Variants in DLGAP2 observed in about 807,000 individuals in gnomAD.
DLGAP2 encodes DLG associated protein 2, also known as disks large-associated protein 2.
DLGAP2 carries 26 observed loss-of-function variants against 100.3 expected under a neutral mutation model. The ratio of observed to expected loss-of-function variants is 0.26; its 90% confidence interval spans 0.19 to 0.36. DLGAP2 has a LOEUF of 0.36. DLGAP2 is among the 10% of genes least tolerant of loss of function. DLGAP2 has a pLI of 1.00. For missense variants in DLGAP2, 1,858 were observed against 1,453.2 expected, an observed-to-expected ratio of 1.28 and a Z score of -4.53; for synonymous variants, 886 against 630.1, an observed-to-expected ratio of 1.41 and a Z score of -6.08.
intron 3 of DLGAP2, among the ~76,000 whole-genome samples, chr8:1,410,725 C>G (rs1418886038): frequency 6.6e-6 from 1 of 152,166 alleles, no homozygotes; most frequent in African/African-American, 2.4e-5. Context: ...ACGTCCAGGT[C>G]AAGGGATCCA....
intron 1 of DLGAP2, among the ~76,000 whole-genome samples, chr8:820,335 C>T (rs551187144): frequency 2.6e-4 from 40 of 152,202 alleles, no homozygotes; most frequent in Non-Finnish European, 2.9e-5. Flanking sequence ...AAGGAAGGAA[C>T]TGATAGATTT....
At chr8:744,214 C>T (rs534899217) in intron 1 of DLGAP2, among the ~76,000 whole-genome samples, 1 of 152,304 alleles carries the variant, frequency 6.6e-6, no homozygotes, top group Non-Finnish European at 1.5e-5. Flanking sequence ...GCAGCGTCTC[C>T]TCTCCACATA....
chr8:1,417,726 G>GGCCTCACTCCTGCCTC (rs1796967566), intron 3 of DLGAP2, among the ~76,000 whole-genome samples: 2 of 142,476 alleles, frequency 1.4e-5, no homozygotes, highest in African/African-American at 5.2e-5. Flanking sequence ...CGAGGCTCCA[G>GGCCTCACTCCTGCCTC]ACACAGAAGC....
intron 3 of DLGAP2, among the ~76,000 whole-genome samples, chr8:1,327,385 C>T (rs918923553): frequency 9.9e-5 from 15 of 152,184 alleles, no homozygotes; most frequent in African/African-American, 3.6e-4. Flanking sequence ...ATTTTGGGCT[C>T]ATGAGAATGA....
chr8:1,538,626 G>A (rs1801236462), intron 4 of DLGAP2, among the ~76,000 whole-genome samples: 1 of 152,132 alleles, frequency 6.6e-6, no homozygotes, highest in Non-Finnish European at 1.5e-5. Flanking sequence ...CCGCTCCCAT[G>A]CTCACCGCTT....
In DLGAP2 at chr8:819,400, C is replaced by G. The variant is rs554143213; in HGVS notation, c.18+81575C>G. 5.3e-5 allele frequency among the ~76,000 whole-genome samples: 8 copies of G among 152,288 alleles called. No individual in the cohort carries two copies. The South Asian group carries it at 1.7e-3, about 32-fold the overall frequency. ...ACAGGTCAAGATATGATCAGAAACT[C>G]AACAGGTGCAGGAGTAAGTGGGAAA... On this transcript the variant is annotated intron_variant, in intron 1 of 14. Coordinates refer to ENST00000637795, the MANE Select transcript of DLGAP2 (RefSeq NM_001346810.2).
At chr8:1,678,019 A>C (rs1798849189) in intron 11 of DLGAP2, among the ~76,000 whole-genome samples, 195 bp from the exon 12 acceptor site, 1 of 152,234 alleles carries the variant, frequency 6.6e-6, no homozygotes, top group Admixed American at 6.5e-5. Context: ...GCAGATGTTA[A>C]AGTATAATGA....
intron 3 of DLGAP2, among the ~76,000 whole-genome samples, chr8:1,428,255 A>C (rs1305906418): frequency 2.0e-5 from 3 of 152,100 alleles, no homozygotes; most frequent in Admixed American, 6.5e-5. Flanking sequence ...TTTTTGAAAA[A>C]ATATAACACA....
intron 3 of DLGAP2, chr8:1,302,639 G>A (rs1800384195): frequency 6.6e-6 from 1 of 152,322 alleles, no homozygotes; most frequent in South Asian, 2.1e-4. Flanking sequence ...CCATACCCGG[G>A]ACTGGACTCA....
At chr8:1,429,707 A>G (rs1797353723) in intron 3 of DLGAP2, among the ~76,000 whole-genome samples, 1 of 151,060 alleles carries the variant, frequency 6.6e-6, no homozygotes, top group African/African-American at 2.4e-5. Context: ...ACATGGCACA[A>G]CTCTCCAAGC....
At chr8:1,011,689 G>A (rs1457515412) in intron 2 of DLGAP2, among the ~76,000 whole-genome samples, 2 of 150,532 alleles carry the variant, frequency 1.3e-5, no homozygotes, top group Admixed American at 1.3e-4. Flanking sequence ...TCTATAGAGT[G>A]AGCCCTGGAA....
In DLGAP2 at chr8:1,705,399, C is replaced by T. The variant is rs1480243722; in HGVS notation, c.*3993C>T. On this transcript the variant is annotated 3_prime_UTR_variant, in exon 15 of 15. Transcript: ENST00000637795. ...GGGTGTTTCAGTGGACAGGAGGCCCCCGTGCCGTGGCTGAGTCAGCCTGGG... is the reference window on the plus strand; with the variant it reads ...GGGTGTTTCAGTGGACAGGAGGCCCTCGTGCCGTGGCTGAGTCAGCCTGGG... The T allele has an allele frequency of 6.6e-6, 1 of 152,248 alleles. No homozygotes were observed. Among genetic ancestry groups the T allele is most frequent in the Non-Finnish European group, 1.5e-5 (1 of 68,066 alleles). The allele number at this position is 152,248 out of a possible 1,614,324, so 9.4% of individuals were successfully genotyped here.
chr8:1,146,148 C>G (rs1025436542), intron 2 of DLGAP2, among the ~76,000 whole-genome samples: 2 of 152,164 alleles, frequency 1.3e-5, no homozygotes, highest in Non-Finnish European at 2.9e-5. Context: ...TCTGCAGCCA[C>G]GAGGGTGTCA....
intron 6 of DLGAP2, among the ~76,000 whole-genome samples, chr8:1,584,888 T>G (rs1796069220): frequency 6.6e-6 from 1 of 152,210 alleles, no homozygotes; most frequent in South Asian, 2.1e-4. Context: ...CTTCACTTTT[T>G]ACCTCATTTC....
At chr8:1,041,833 G>C (rs1266156098) in intron 2 of DLGAP2, among the ~76,000 whole-genome samples, 1 of 152,000 alleles carries the variant, frequency 6.6e-6, no homozygotes, top group South Asian at 2.1e-4. Flanking sequence ...GCTCCTTGCC[G>C]TGGGTCAGCG....
rs186321213 is a variant in DLGAP2, at chr8:1,572,216, A to T, written c.1442+6322A>T. Among the ~76,000 whole-genome samples, 383 of 57,742 alleles carry T rather than the reference A, an allele frequency of 6.6e-3. 4 individuals carry two copies. The highest frequency in any genetic ancestry group is 0.029 in the African/African-American group (356 of 12,208). The allele number at this position is 57,742 out of a possible 152,430, so 37.9% of individuals were successfully genotyped here. A position where few individuals can be genotyped will look rare whatever the true frequency, so the allele number is the denominator to read the frequency against. The stretch of plus-strand genomic sequence containing the variant: ...AGGAGAGAGGGTGAACTGTGGGGGC[A>T]TCTGATGAGATGGAGAGGAGAGGGG... On this transcript the variant is annotated intron_variant, in intron 6 of 14. Coordinates refer to ENST00000637795, the MANE Select transcript of DLGAP2 (RefSeq NM_001346810.2).
At chr8:1,255,490 TCA>T (rs1799179125) in intron 2 of DLGAP2, among the ~76,000 whole-genome samples, 1 of 135,308 alleles carries the variant, frequency 7.4e-6, no homozygotes, top group African/African-American at 3.0e-5. Flanking sequence ...GTGTGTGTCC[TCA>T]TCTTGCCCGG....
intron 3 of DLGAP2, among the ~76,000 whole-genome samples, chr8:1,484,322 A>G (rs1338884079): frequency 1.3e-5 from 2 of 152,254 alleles, no homozygotes; most frequent in Non-Finnish European, 2.9e-5. Flanking sequence ...TCCAGAATTC[A>G]TCATTTCTGA....
At chr8:1,202,142 A>G (rs75399224) in intron 2 of DLGAP2, among the ~76,000 whole-genome samples, 26,330 of 146,104 alleles carry the variant, frequency 0.18, 2,356 homozygotes, top group Admixed American at 0.22. Flanking sequence ...TTGTGTGTGT[A>G]TACACATGTG....
Sources: allele counts gnomAD v4.1 joint callset (sites outside exome capture counted in the v4.1 genomes callset), GRCh38; gene constraint gnomAD v4.1.1; transcripts MANE v1.5; gene names NCBI Gene and HGNC (gene_info 2026-07-23, HGNC 2026-07-21).